Variants in PTK2 observed in about 807,000 individuals in gnomAD.
PTK2 encodes protein tyrosine kinase 2.
In PTK2, 45 loss-of-function variants were observed where a neutral mutation model predicts 150.1. That is an observed-to-expected ratio of 0.30 (90% CI 0.24 to 0.38). The LOEUF (loss-of-function observed/expected upper bound fraction) is 0.38. Among genes scored for constraint, PTK2 ranks in the 10% least tolerant of loss-of-function variants. The pLI, the probability that PTK2 is intolerant of heterozygous loss-of-function variation, is 1.00. For synonymous variants in PTK2, 432 were observed against 449.2 expected (o/e 0.96, Z 0.48); for missense variants, 919 against 1,307.3 (o/e 0.70, Z 4.58).
chr8:140,715,675 T>C (rs2100039313), intron 23 of PTK2, among the ~76,000 whole-genome samples: 1 of 152,112 alleles, frequency 6.6e-6, no homozygotes, highest in African/African-American at 2.4e-5. Flanking sequence ...AAAAACACAG[T>C]GGGCTATAGT....
At chr8:140,889,350 C>T (rs2100153451) in intron 3 of PTK2, among the ~76,000 whole-genome samples, 1 of 152,160 alleles carries the variant, frequency 6.6e-6, no homozygotes, top group Non-Finnish European at 1.5e-5. Context: ...CTGTCTCAGC[C>T]TCCTGAGTAG....
At chr8:140,804,930 C>T (rs1482185627) in intron 10 of PTK2, among the ~76,000 whole-genome samples, 1 of 152,184 alleles carries the variant, frequency 6.6e-6, no homozygotes, top group Non-Finnish European at 1.5e-5. Flanking sequence ...ACATCCTGCC[C>T]TTTTGGGGTT....
chr8:140,834,190 T>G (rs935971414), intron 7 of PTK2, among the ~76,000 whole-genome samples: 6 of 152,170 alleles, frequency 3.9e-5, no homozygotes, highest in Non-Finnish European at 7.4e-5. Context: ...CCTCATTCTC[T>G]AGGGCTTGGT....
At chr8:141,001,884 T>G (rs969272834), upstream of PTK2, 3 of 152,160 alleles carry the variant, frequency 2.0e-5, no homozygotes, top group African/African-American at 4.8e-5. Context: ...TAAGTTGGGC[T>G]GGGCCATTAT....
intron 1 of PTK2, among the ~76,000 whole-genome samples, chr8:140,962,321 T>C (rs1047408833): frequency 1.3e-5 from 2 of 151,568 alleles, no homozygotes; most frequent in African/African-American, 2.4e-5. Flanking sequence ...AATTATGTGG[T>C]TATTTTTACT....
intron 27 of PTK2, among the ~76,000 whole-genome samples, chr8:140,677,870 G>A (rs894219797): frequency 9.2e-5 from 14 of 152,150 alleles, no homozygotes; most frequent in Non-Finnish European, 1.0e-4. Context: ...CACTGTTCTA[G>A]GTATAAAACA....
At chr8:140,991,928 C>T (rs1006482969) in intron 1 of PTK2, among the ~76,000 whole-genome samples, 1 of 151,708 alleles carries the variant, frequency 6.6e-6, no homozygotes, top group African/African-American at 2.4e-5. Flanking sequence ...GCTGGGAGGT[C>T]GAAGCCGCAG....
intron 23 of PTK2, 54 bp downstream of exon 26, chr8:140,717,544 A>C (rs1318324910): frequency 1.4e-6 from 2 of 1,391,302 alleles, no homozygotes; most frequent in Admixed American, 1.7e-5. Context: ...CCTAACTGTA[A>C]ATCTTGAAAG....
intron 25 of PTK2, 25 bp from the exon 29 acceptor site, chr8:140,701,047 T>G (rs1461469895): frequency 1.2e-6 from 2 of 1,609,206 alleles, no homozygotes. Flanking sequence ...GAAAACAGCA[T>G]ATTCAGTCTC....
In PTK2 at chr8:140,793,471, C is replaced by T. The variant is rs554133147; in HGVS notation, c.1094-87G>A. Reference sequence around the variant, plus strand: ...CTAGAATCAGGGAGGAAGGATGAGGCCTATACTGGTATTCCAGCAATGACC... The same window carrying T: ...CTAGAATCAGGGAGGAAGGATGAGGTCTATACTGGTATTCCAGCAATGACC... On this transcript the variant is annotated intron_variant, in intron 12 of 31. Coordinates refer to ENST00000522684, the Ensembl canonical transcript of PTK2. The T allele has an allele frequency of 1.1e-5, 15 of 1,398,804 alleles. No homozygotes were observed. The South Asian group carries it at 1.2e-4, about 11-fold the overall frequency. The allele number at this position is 1,398,804 out of a possible 1,614,324, so 86.6% of individuals were successfully genotyped here. A position where few individuals can be genotyped will look rare whatever the true frequency, so the allele number is the denominator to read the frequency against.
rs868494695 is a variant in PTK2 at position 140,805,970 on chromosome 8, T to C, written c.868-2320A>G. Among the ~76,000 whole-genome samples, 3 of 152,216 alleles carry C rather than the reference T, an allele frequency of 2.0e-5. No individual in the cohort carries two copies. In the South Asian group the frequency reaches 6.2e-4, roughly 32 times the overall value. On this transcript the variant is annotated intron_variant, in intron 10 of 31. Transcript: ENST00000522684. ...GCCTCTCTGACCTAATTTACTGTCA[T>C]GATCTTGTCTTGATGATATGTGCTC...
intron 6 of PTK2, 99 bp from the exon 7 acceptor site, chr8:140,846,421 A>C (rs1417380041): frequency 7.7e-7 from 1 of 1,293,556 alleles, no homozygotes; most frequent in Non-Finnish European, 1.1e-6. Flanking sequence ...TAATAAACAA[A>C]AATTAACAGC....
intron 2 of PTK2, among the ~76,000 whole-genome samples, chr8:140,923,827 TCAC>T (rs760096534): frequency 2.0e-5 from 3 of 152,278 alleles, no homozygotes; most frequent in African/African-American, 4.8e-5. Context: ...CATGTATTTC[TCAC>T]CACATCTCCT....
At chr8:140,732,487 G>A (rs770590553) in intron 22 of PTK2, 1 of 508,920 alleles carries the variant, frequency 2.0e-6, no homozygotes, top group Non-Finnish European at 4.0e-6. Flanking sequence ...TATGTTCTAA[G>A]CCTTGAATTC....
intron 26 of PTK2, among the ~76,000 whole-genome samples, chr8:140,697,671 G>C (rs900225022): frequency 2.0e-5 from 3 of 152,050 alleles, no homozygotes; most frequent in Admixed American, 6.5e-5. Context: ...CTCTCAAAGT[G>C]CTGGGGTTAC....
At chr8:140,949,010 C>G (rs538515981) in intron 1 of PTK2, among the ~76,000 whole-genome samples, 1 of 151,942 alleles carries the variant, frequency 6.6e-6, no homozygotes, top group East Asian at 1.9e-4. Context: ...CCACCCGAGA[C>G]AGCAAGACCA....
At position 140,662,197 on chromosome 8, in the gene PTK2, G is replaced by A. The variant is rs370021282; in HGVS notation, c.2947-2519C>T. Among the ~76,000 whole-genome samples the A allele has an allele frequency of 2.6e-5, 4 of 151,978 alleles. No individual in the cohort carries two copies. The East Asian group carries it at 7.7e-4, about 29-fold the overall frequency. On this transcript the variant is annotated intron_variant, in intron 31 of 31. Transcript: ENST00000522684. ...CTGTAATCCCAGCTACTTGGGAGGC[G>A]GAGGCAGGAAGATCACTTGAGCTCA... is the stretch of plus-strand genomic sequence containing the variant.
chr8:140,754,519 A>G (rs2100064583), intron 16 of PTK2, among the ~76,000 whole-genome samples: 1 of 152,208 alleles, frequency 6.6e-6, no homozygotes, highest in Non-Finnish European at 1.5e-5. Flanking sequence ...CATTTTATAG[A>G]CGATCAGAGC....
rs572341041 is a variant in PTK2, at chr8:140,667,024, C to A, written c.2865+1245G>T. On this transcript the variant is annotated intron_variant, in intron 30 of 31. Coordinates refer to ENST00000522684, the Ensembl canonical transcript of PTK2. Reference sequence around the variant, plus strand: ...GTGAAATAAATCCATCACAAAAAGACAAATACAGTATGATTCCACTTATAA... The same window carrying A: ...GTGAAATAAATCCATCACAAAAAGAAAAATACAGTATGATTCCACTTATAA... Among the ~76,000 whole-genome samples the A allele has an allele frequency of 3.3e-5, 5 of 152,288 alleles. No individual in the cohort carries two copies. The East Asian group carries it at 9.6e-4, about 29-fold the overall frequency.
Sources: allele counts gnomAD v4.1 joint callset (sites outside exome capture counted in the v4.1 genomes callset), GRCh38; gene constraint gnomAD v4.1.1; transcripts MANE v1.5; gene names NCBI Gene and HGNC (gene_info 2026-07-23, HGNC 2026-07-21).